RPF1: variants seen among roughly 807,000 people sequenced by gnomAD.
The protein encoded by RPF1 is ribosome production factor 1 homolog.
In RPF1, 34 loss-of-function variants were observed where a neutral mutation model predicts 41.9. The ratio of observed to expected loss-of-function variants is 0.81; its 90% CI spans 0.62 to 1.08. The LOEUF (loss-of-function observed/expected upper bound fraction) is 1.08, where lower values mean the gene tolerates loss of function less well. Among genes scored for constraint, RPF1 ranks in the 50% least tolerant of loss-of-function variants. The probability of loss-of-function intolerance (pLI) is 0.00; values close to 1 mark genes in which losing one functional copy is unlikely to be tolerated. For missense variants in RPF1, 425 were observed against 435.2 expected, an observed-to-expected ratio of 0.98 and a Z score of 0.21; for synonymous variants, 140 against 148.9, an observed-to-expected ratio of 0.94 and a Z score of 0.43.
chr1:84,487,671 A>ATC (rs1307821933), intron 3 of RPF1, among the ~76,000 whole-genome samples: 1 of 152,082 alleles, frequency 6.6e-6, no homozygotes, highest in Non-Finnish European at 1.5e-5. Flanking sequence ...CTTTCCTGTG[A>ATC]TCATAAGTTC....
chr1:84,493,777 G>A (rs1196438024), intron 5 of RPF1, among the ~76,000 whole-genome samples: 2 of 152,154 alleles, frequency 1.3e-5, no homozygotes, highest in South Asian at 2.1e-4. Context: ...TGAGTAAAAC[G>A]TTGCAGGTAT....
At chr1:84,481,984 G>A (rs1048749547) in intron 2 of RPF1, among the ~76,000 whole-genome samples, 3 of 152,132 alleles carry the variant, frequency 2.0e-5, no homozygotes, top group African/African-American at 7.2e-5. Context: ...AGTATGTCAA[G>A]CATGTTAGTC....
Position 84,497,568 on chromosome 1 carries a change from T to C in RPF1, c.*98T>C. 1.1e-6 allele frequency: 1 copy of C among 883,890 alleles called. No individual in the cohort carries two copies. The highest frequency in any genetic ancestry group is 1.7e-6 in the Non-Finnish European group (1 of 577,790). The allele number at this position is 883,890 out of a possible 1,614,324, so 54.8% of individuals were successfully genotyped here. On this transcript the variant is annotated 3_prime_UTR_variant, in exon 9 of 9. Coordinates refer to ENST00000370654, the MANE Select transcript of RPF1 (RefSeq NM_025065.7). ...ATACTCTTTTCAAAATGGCATTTGC[T>C]GATTTCATAAACCTTTCACGTCTGG...
At position 84,481,006 on chromosome 1, in the gene RPF1, C is replaced by T. The variant is rs1394295439; in HGVS notation, c.279C>T (p.Gly93=). ...KKLKKEREAL[G]DKAPPKPVPK... is the part of the protein sequence containing the mutation. ...TTAAAAAAGAAAGAGAGGCTCTTGGCGATAAGGTAAATAAAATTTTTAGCT... is the reference window on the plus strand; with the variant it reads ...TTAAAAAAGAAAGAGAGGCTCTTGGTGATAAGGTAAATAAAATTTTTAGCT... The change falls in exon 2 of 9, where the codon GGC becomes GGT. Residue 93 remains glycine, a synonymous_variant. Coordinates refer to ENST00000370654, the MANE Select transcript of RPF1 (RefSeq NM_025065.7). 13 of 1,579,510 alleles carry T rather than the reference C, an allele frequency of 8.2e-6. No homozygotes were observed. The highest frequency in any genetic ancestry group is 2.3e-5 in the South Asian group (2 of 87,798).
At chr1:84,479,848 A>G (rs1681611161) in intron 1 of RPF1, among the ~76,000 whole-genome samples, 1 of 152,322 alleles carries the variant, frequency 6.6e-6, no homozygotes, top group Admixed American at 6.5e-5. Context: ...TGGTCCGTCT[A>G]GGTAGCGTTG....
At position 84,482,994 on chromosome 1, in the gene RPF1, A is replaced by T. The variant is rs1346014671; in HGVS notation, c.365A>T (p.Glu122Val). The T allele has an allele frequency of 4.5e-6, 7 of 1,553,778 alleles. No individual in the cohort carries two copies. The highest frequency in any genetic ancestry group is 1.7e-5 in the Admixed American group (1 of 59,938). ...ACCACAGTAGACCCTAATGATGAAG[A>T]GGTAATGTTAGAAGTCTTAAATTAG... ...DETTVDPNDE[E>V]VAYDEATDEF... is the part of the protein sequence containing the mutation. Residue 122 changes from glutamate (E) to valine (V), a missense_variant and splice_region_variant, in exon 3 of 9, where the codon GAG becomes GTG. Glu to Val is a moderately radical substitution (Grantham distance 121). Transcript: ENST00000370654.
Position 84,495,419 on chromosome 1 carries a change from TA to T in RPF1, c.667del (p.Met223Ter). ...TGCCAAATGGCCCAACTGCTCATTT[TA>T]AAATGAGCAGTGTTCGTCTTCGTAA... is the stretch of plus-strand genomic sequence containing the variant. ...HLPNGPTAHF[K>X]MSSVRLRKEI... is the part of the protein sequence containing the mutation. On this transcript the variant is annotated frameshift_variant, in exon 6 of 9. Transcript: ENST00000370654. LOFTEE classifies it high-confidence loss of function. The T allele has an allele frequency of 6.6e-7, 1 of 1,526,370 alleles. No individual in the cohort carries two copies. Among genetic ancestry groups the T allele is most frequent in the Non-Finnish European group, 9.0e-7 (1 of 1,114,952 alleles). 94.6% of individuals were successfully genotyped at this position (1,526,370 alleles called of 1,614,324 possible).
At chr1:84,480,182 C>T (rs960489500) in intron 1 of RPF1, among the ~76,000 whole-genome samples, 3 of 152,026 alleles carry the variant, frequency 2.0e-5, no homozygotes, top group Admixed American at 6.5e-5. Context: ...CTTCTGAGGC[C>T]CGGGACTGGT....
chr1:84,483,065 A>C (rs775969345), intron 3 of RPF1, 70 bp downstream of exon 3: 1 of 1,029,568 alleles, frequency 9.7e-7, no homozygotes, highest in South Asian at 1.4e-5. Flanking sequence ...TTTTTTGTTG[A>C]TATTTAAAGT....
chr1:84,490,599 T>A, intron 5 of RPF1, 127 bp downstream of exon 5: 2 of 681,280 alleles, frequency 2.9e-6, no homozygotes, highest in Non-Finnish European at 4.6e-6. Context: ...GAAAATTGTA[T>A]CTCTTTCCAA....
At chr1:84,486,211 CCA>C (rs1681733506) in intron 3 of RPF1, among the ~76,000 whole-genome samples, 1 of 152,016 alleles carries the variant, frequency 6.6e-6, no homozygotes, top group Non-Finnish European at 1.5e-5. Context: ...AGAAGAAAGA[CCA>C]GATCAGTGAC....
In RPF1 at chr1:84,496,288, G is replaced by A. The variant is rs1487255678; in HGVS notation, c.926G>A (p.Gly309Glu). ...AAGAAAGTGGGAATTCAGGAACTTG[G>A]ACCACGTTTTACCTTAAAATTAAGG... ...SEKKVGIQEL[G>E]PRFTLKLRSL... Residue 309 changes from glycine (G) to glutamate (E), a missense_variant, in exon 8 of 9, where the codon GGA becomes GAA. Gly to Glu is a moderately conservative substitution (Grantham distance 98). Transcript: ENST00000370654. 1.2e-6 allele frequency: 2 copies of A among 1,613,440 alleles called. No individual in the cohort carries two copies. Among genetic ancestry groups the A allele is most frequent in the Non-Finnish European group, 1.7e-6 (2 of 1,179,560 alleles).
intron 8 of RPF1, among the ~76,000 whole-genome samples, chr1:84,496,822 G>T (rs1418237933): frequency 6.6e-6 from 1 of 152,138 alleles, no homozygotes; most frequent in Non-Finnish European, 1.5e-5. Flanking sequence ...AGTTTTCTTA[G>T]AAGTTTGGAG....
Position 84,479,307 on chromosome 1 carries a change from GCA to G in RPF1, c.27_28del (p.Ser9ArgfsTer44), listed in dbSNP as rs1681594917. The G allele has an allele frequency of 4.4e-6, 7 of 1,608,096 alleles. No homozygotes were observed. The highest frequency in any genetic ancestry group is 1.7e-4 in the Middle Eastern group (1 of 5,926). ...ATGGCGAAAGCCGGGGATAAGAGCA[GCA>G]GCAGCGGGAAGAAAAGTCTAAAACG... On this transcript the variant is annotated frameshift_variant, in exon 1 of 9. Transcript: ENST00000370654. LOFTEE classifies it high-confidence loss of function.
intron 5 of RPF1, among the ~76,000 whole-genome samples, chr1:84,494,879 G>A (rs1464276260): frequency 6.6e-6 from 1 of 152,164 alleles, no homozygotes; most frequent in African/African-American, 2.4e-5. Context: ...ATTTCATAGA[G>A]GAAAGTTTAG....
At chr1:84,484,604 C>G (rs1340147450) in intron 3 of RPF1, among the ~76,000 whole-genome samples, 1 of 151,798 alleles carries the variant, frequency 6.6e-6, no homozygotes, top group Non-Finnish European at 1.5e-5. Context: ...GGGGTTTCCT[C>G]TGATTATATT....
chr1:84,481,954 G>C (rs556174270), intron 2 of RPF1, among the ~76,000 whole-genome samples: 3 of 152,254 alleles, frequency 2.0e-5, no homozygotes, highest in Admixed American at 6.5e-5. Flanking sequence ...ATAGTAGACT[G>C]TTTTGACCTG....
At chr1:84,487,431 T>G (rs1221936104) in intron 3 of RPF1, among the ~76,000 whole-genome samples, 1 of 152,194 alleles carries the variant, frequency 6.6e-6, no homozygotes, top group East Asian at 1.9e-4. Context: ...CCAGTTCATG[T>G]CTTTTGCCCA....
chr1:84,488,603 A>G lies in RPF1; in HGVS notation c.367-1030A>G, dbSNP rs1328593354. Among the ~76,000 whole-genome samples, 3 of 152,130 alleles carry G rather than the reference A, an allele frequency of 2.0e-5. No homozygotes were observed. In the South Asian group the frequency reaches 6.2e-4, roughly 31 times the overall value. On this transcript the variant is annotated intron_variant, in intron 3 of 8. Coordinates refer to ENST00000370654, the MANE Select transcript of RPF1 (RefSeq NM_025065.7). Reference sequence around the variant, plus strand: ...AGCCTAATGTCAAATAAATAGAAAAATCAACAGTGCCATCTTTGCCACGTT... The same window carrying G: ...AGCCTAATGTCAAATAAATAGAAAAGTCAACAGTGCCATCTTTGCCACGTT...
Sources: allele counts gnomAD v4.1 joint callset (sites outside exome capture counted in the v4.1 genomes callset), GRCh38; gene constraint gnomAD v4.1.1; transcripts MANE v1.5; gene names NCBI Gene and HGNC (gene_info 2026-07-23, HGNC 2026-07-21).